Variants in XPO7 observed in about 807,000 individuals in gnomAD.
The protein encoded by XPO7 is exportin 7.
XPO7 carries 21 observed loss-of-function variants against 144.3 expected under a neutral mutation model. That is an observed-to-expected ratio of 0.15 (90% CI 0.10 to 0.21). The LOEUF (loss-of-function observed/expected upper bound fraction) is 0.21. Among genes scored for constraint, XPO7 ranks in the 10% least tolerant of loss-of-function variants. The pLI is 1.00. For missense variants in XPO7, 808 were observed against 1,325.8 expected (o/e 0.61, Z 6.06); for synonymous variants, 580 against 499.6 (o/e 1.16, Z -2.15).
chr8:21,950,039 T>A (rs1480456925), intron 1 of XPO7, among the ~76,000 whole-genome samples: 2 of 152,228 alleles, frequency 1.3e-5, no homozygotes, highest in Admixed American at 6.5e-5. Flanking sequence ...GCTGTGTTTT[T>A]AAAAAGCACT....
At chr8:21,967,057 C>G (rs1052072320) in intron 2 of XPO7, 54 bp downstream of exon 2, 3 of 1,578,004 alleles carry the variant, frequency 1.9e-6, no homozygotes, top group African/African-American at 2.7e-5. Context: ...AAACGTTATT[C>G]TGGTTCTCTG....
In XPO7 at chr8:21,990,735, A is replaced by G. The variant is rs973996921; in HGVS notation, c.1933-76A>G. 6.3e-6 allele frequency: 9 copies of G among 1,436,082 alleles called. No individual in the cohort carries two copies. In the African/African-American group the frequency reaches 8.4e-5, roughly 13 times the overall value. 89.0% of individuals were successfully genotyped at this position (1,436,082 alleles called of 1,614,324 possible). On this transcript the variant is annotated intron_variant, in intron 17 of 27. Transcript: ENST00000252512. The stretch of plus-strand genomic sequence containing the variant: ...AACCATTGGCTTGAAAGGGCTCAGT[A>G]ATTCTCTGATTACTGGCTTGCATTC...
intron 16 of XPO7, among the ~76,000 whole-genome samples, chr8:21,989,540 C>G (rs1023699692): frequency 1.3e-5 from 2 of 152,170 alleles, no homozygotes; most frequent in Non-Finnish European, 2.9e-5. Flanking sequence ...TCTAGGGCAG[C>G]TTTTCACAAC....
intron 7 of XPO7, among the ~76,000 whole-genome samples, chr8:21,977,306 C>T (rs1024414468): frequency 2.5e-4 from 38 of 152,244 alleles, no homozygotes; most frequent in African/African-American, 8.4e-4. Context: ...AGAGGCCGGG[C>T]GTGGTGGCTC....
intron 21 of XPO7, among the ~76,000 whole-genome samples, chr8:21,998,510 C>CT (rs961838873): frequency 1.4e-3 from 207 of 151,516 alleles, no homozygotes; most frequent in African/African-American, 4.5e-3. Context: ...TCTACTGCTG[C>CT]TTTTTTTTTC....
Position 22,005,147 on chromosome 8 carries a change from G to A in XPO7, c.*59G>A, listed in dbSNP as rs192389146. 3,552 of 1,417,512 alleles carry A rather than the reference G, an allele frequency of 2.5e-3. 15 individuals carry two copies. Among genetic ancestry groups the A allele is most frequent in the Non-Finnish European group, 2.6e-3 (2,690 of 1,029,362 alleles). The allele number at this position is 1,417,512 out of a possible 1,614,324, so 87.8% of individuals were successfully genotyped here. A position where few individuals can be genotyped will look rare whatever the true frequency, so the allele number is the denominator to read the frequency against. On this transcript the variant is annotated 3_prime_UTR_variant, in exon 28 of 28. Transcript: ENST00000252512. ...TCCCTTTGGTTTGGCCCAGAGGGGCGAACAATTGCAAGGGAGAGGGCCTGG... is the reference window on the plus strand; with the variant it reads ...TCCCTTTGGTTTGGCCCAGAGGGGCAAACAATTGCAAGGGAGAGGGCCTGG...
rs186413204 is a variant in XPO7, at chr8:21,941,775, A to G, written c.18+21987A>G. Among the ~76,000 whole-genome samples, 14 of 152,302 alleles carry G rather than the reference A, an allele frequency of 9.2e-5. No homozygotes were observed. In the East Asian group the frequency reaches 2.7e-3, roughly 29 times the overall value. ...TTCACAGACTCTATTTTCTAGGCTT[A>G]AGCGATCCTCCCGCCTCAGCCTTCC... On this transcript the variant is annotated intron_variant, in intron 1 of 27. Coordinates refer to ENST00000252512, the MANE Select transcript of XPO7 (RefSeq NM_015024.5).
chr8:21,982,539 T>A (rs1392809075), intron 10 of XPO7, 101 bp from the exon 11 acceptor site: 1 of 1,354,024 alleles, frequency 7.4e-7, no homozygotes, highest in Non-Finnish European at 9.7e-7. Context: ...ATCCTCTTTT[T>A]TTAAAAAAAA....
Position 22,002,183 on chromosome 8 carries a change from C to T in XPO7, c.2854C>T (p.Arg952Cys). The T allele has an allele frequency of 6.2e-7, 1 of 1,613,178 alleles. No homozygotes were observed. Among genetic ancestry groups the T allele is most frequent in the Non-Finnish European group, 8.5e-7 (1 of 1,179,558 alleles). The change falls in exon 25 of 28, where the codon CGT becomes TGT. Residue 952 changes from arginine to cysteine, a missense_variant. Around this residue, in one of 5 missense-constraint regions of XPO7, gnomAD observed 140 missense variants for 237.9 expected, o/e 0.59. Coordinates refer to ENST00000252512, the MANE Select transcript of XPO7 (RefSeq NM_015024.5). ...IVTYLFKQLS[R>C]STKKRTTPLN... ...GACATACCTCTTCAAGCAGCTGTCA[C>T]GTAGCACCAAGAAGAGGACCACACC...
At chr8:21,957,422 T>C (rs1811572229) in intron 1 of XPO7, among the ~76,000 whole-genome samples, 1 of 152,218 alleles carries the variant, frequency 6.6e-6, no homozygotes, top group South Asian at 2.1e-4. Context: ...TGAAGTTTGT[T>C]CAGCTTTTCT....
intron 21 of XPO7, among the ~76,000 whole-genome samples, chr8:21,998,327 G>C (rs560183359): frequency 6.6e-6 from 1 of 152,182 alleles, no homozygotes; most frequent in South Asian, 2.1e-4. Flanking sequence ...TGTAGTCCCA[G>C]CTACTTGGGA....
intron 19 of XPO7, 110 bp downstream of exon 19, chr8:21,992,084 C>T: frequency 1.4e-6 from 1 of 721,110 alleles, no homozygotes; most frequent in Non-Finnish European, 2.2e-6. Context: ...TTTTTAATGT[C>T]TTGGACTTCT....
intron 1 of XPO7, among the ~76,000 whole-genome samples, chr8:21,936,604 G>T (rs112410131): frequency 2.5e-4 from 38 of 152,256 alleles, no homozygotes; most frequent in Admixed American, 1.1e-3. Flanking sequence ...CCACAATAAG[G>T]ATTATTTGAT....
rs188669792 is a variant in XPO7, at chr8:21,999,500, G to C, written c.2644-36G>C. On this transcript the variant is annotated intron_variant, in intron 23 of 27. Coordinates refer to ENST00000252512, the MANE Select transcript of XPO7 (RefSeq NM_015024.5). ...CTCCCTGCATGCTGGAGTGCATAGT[G>C]CCTAAGCTGATTTTCTTCCTCTTCC... is the stretch of plus-strand genomic sequence containing the variant. 3.7e-3 allele frequency: 6,045 copies of C among 1,613,254 alleles called. 57 individuals are homozygous for C. Among genetic ancestry groups the C allele is most frequent in the South Asian group, 0.024 (2,226 of 90,986 alleles).
chr8:21,923,309 C>T (rs184811828), intron 1 of XPO7, among the ~76,000 whole-genome samples: 51 of 152,176 alleles, frequency 3.4e-4, no homozygotes, highest in Non-Finnish European at 4.4e-4. Context: ...GGAGCACACA[C>T]GTAGATACAA....
intron 1 of XPO7, among the ~76,000 whole-genome samples, chr8:21,958,015 A>G (rs1188704864): frequency 6.6e-6 from 1 of 152,132 alleles, no homozygotes; most frequent in African/African-American, 2.4e-5. Flanking sequence ...AAAAGTCATA[A>G]TTCATGCATA....
intron 21 of XPO7, among the ~76,000 whole-genome samples, chr8:21,998,418 G>A (rs910467967): frequency 5.9e-5 from 9 of 152,152 alleles, no homozygotes; most frequent in African/African-American, 2.2e-4. Context: ...TCTAGCCTGG[G>A]CGACAGAGTA....
At position 22,003,214 on chromosome 8, in the gene XPO7, T is replaced by C. The variant is rs536138218; in HGVS notation, c.2944-5T>C. 5 of 1,606,682 alleles carry C rather than the reference T, an allele frequency of 3.1e-6. No individual in the cohort carries two copies. The South Asian group carries it at 4.5e-5, about 14-fold the overall frequency. On this transcript the variant is annotated splice_polypyrimidine_tract_variant and splice_region_variant and intron_variant, in intron 25 of 27. Transcript: ENST00000252512. ...ACTGCCTGAAATTCTCCATTCCATT[T>C]TCAGATGCTGTCCACGGTGCTGAAC...
At chr8:21,947,653 G>A (rs941295643) in intron 1 of XPO7, among the ~76,000 whole-genome samples, 2 of 152,090 alleles carry the variant, frequency 1.3e-5, no homozygotes, top group African/African-American at 4.8e-5. Context: ...CTTTAGGATA[G>A]GAAAAGATCT....
Sources: gnomAD v4.1 joint callset for allele counts (sites outside exome capture counted in the v4.1 genomes callset) on GRCh38, gnomAD v4.1.1 for gene constraint, gnomAD v4.1.1 regional missense constraint, MANE v1.5 for transcripts, NCBI Gene and HGNC (gene_info 2026-07-23, HGNC 2026-07-21) for gene names.